The following DPYSL5 variants were observed in gnomAD, a reference collection of about 807,000 sequenced individuals.
The protein encoded by DPYSL5 is dihydropyrimidinase like 5.
In DPYSL5, 9 loss-of-function variants were observed where a neutral mutation model predicts 58.4. The ratio of observed to expected loss-of-function variants is 0.15; its 90% CI spans 0.09 to 0.27. The LOEUF (loss-of-function observed/expected upper bound fraction) is 0.27. Ranked by LOEUF, DPYSL5 falls within the 10% of genes least tolerant of loss-of-function variation. The probability of loss-of-function intolerance (pLI) is 1.00; values close to 1 mark genes in which losing one functional copy is unlikely to be tolerated. For synonymous variants in DPYSL5, 293 were observed against 301.9 expected (o/e 0.97, Z 0.31); for missense variants, 499 against 770.6 (o/e 0.65, Z 4.17).
At chr2:26,875,265 C>T (rs976719249) in intron 1 of DPYSL5, among the ~76,000 whole-genome samples, 4 of 151,956 alleles carry the variant, frequency 2.6e-5, no homozygotes, top group Admixed American at 2.0e-4. Flanking sequence ...TTCCAGTGGG[C>T]GAAATACCCA....
At chr2:26,852,938 G>A (rs921290646) in intron 1 of DPYSL5, among the ~76,000 whole-genome samples, 8 of 152,162 alleles carry the variant, frequency 5.3e-5, no homozygotes, top group African/African-American at 1.9e-4. Flanking sequence ...TCTAAAATGT[G>A]TGTCCACAAA....
At chr2:26,887,122 A>T (rs756581426) in intron 1 of DPYSL5, among the ~76,000 whole-genome samples, 1 of 152,228 alleles carries the variant, frequency 6.6e-6, no homozygotes, top group African/African-American at 2.4e-5. Flanking sequence ...TGTTTTTGAT[A>T]TAACAGTCTT....
intron 2 of DPYSL5, among the ~76,000 whole-genome samples, chr2:26,923,684 C>T (rs1664758808): frequency 6.6e-6 from 1 of 152,118 alleles, no homozygotes; most frequent in East Asian, 1.9e-4. Flanking sequence ...TATTTTGAGA[C>T]AGTTTCACCC....
rs1054328114 is a variant in DPYSL5 at position 26,947,103 on chromosome 2, G to A, written c.*108G>A. 3.6e-5 allele frequency: 36 copies of A among 999,516 alleles called. No individual in the cohort carries two copies. The highest frequency in any genetic ancestry group is 2.8e-4 in the Middle Eastern group (1 of 3,522). The allele number at this position is 999,516 out of a possible 1,614,324, so 61.9% of individuals were successfully genotyped here. Reference sequence around the variant, plus strand: ...GGCTGGGCTGGGTGGCACACCACCCGAGGGGGGCCCCGGGACCCACGGAGC... The same window carrying A: ...GGCTGGGCTGGGTGGCACACCACCCAAGGGGGGCCCCGGGACCCACGGAGC... On this transcript the variant is annotated 3_prime_UTR_variant, in exon 13 of 13. Coordinates refer to ENST00000288699, the MANE Select transcript of DPYSL5 (RefSeq NM_020134.4). This position sits in a 1 kb window ranked among gnomAD's most constrained non-coding sequence, Gnocchi z 4.2.
chr2:26,868,334 T>A (rs1034030321), intron 1 of DPYSL5, among the ~76,000 whole-genome samples: 1 of 152,210 alleles, frequency 6.6e-6, no homozygotes, highest in Non-Finnish European at 1.5e-5. Context: ...AATTTAAACA[T>A]TTTTATCAAG....
At position 26,877,312 on chromosome 2, in the gene DPYSL5, TA is replaced by T. The variant is rs1434771735; in HGVS notation, c.-4-21183del. 1.1e-4 allele frequency among the ~76,000 whole-genome samples: 16 copies of T among 152,198 alleles called. No individual in the cohort carries two copies. Among genetic ancestry groups the T allele is most frequent in the African/African-American group, 3.6e-4 (15 of 41,456 alleles). ...ATATTTTTATTTCTATTTATTTATTTATTTTTTTAAGGCCAAGGAATTAAGT... is the reference window on the plus strand; with the variant it reads ...ATATTTTTATTTCTATTTATTTATTTTTTTTTTAAGGCCAAGGAATTAAGT... On this transcript the variant is annotated intron_variant, in intron 1 of 12. Coordinates refer to ENST00000288699, the MANE Select transcript of DPYSL5 (RefSeq NM_020134.4). The surrounding 1 kb of genome is among the most constrained non-coding windows in gnomAD (Gnocchi z 4.1).
chr2:26,915,431 G>A (rs900871534), intron 2 of DPYSL5, among the ~76,000 whole-genome samples: 2 of 152,114 alleles, frequency 1.3e-5, no homozygotes, highest in Non-Finnish European at 2.9e-5. Flanking sequence ...TGCAAATGTC[G>A]CTCTGAGCTC....
At chr2:26,900,987 A>G (rs1176326038) in intron 2 of DPYSL5, among the ~76,000 whole-genome samples, 2 of 152,118 alleles carry the variant, frequency 1.3e-5, no homozygotes, top group East Asian at 1.9e-4. Flanking sequence ...TCAGCTCTTT[A>G]CAGCTGATGA....
chr2:26,942,775 G>C lies in DPYSL5; in HGVS notation c.1440+25G>C. 1 of 1,606,820 alleles carries C rather than the reference G, an allele frequency of 6.2e-7. No homozygotes were observed. Among genetic ancestry groups the C allele is most frequent in the African/African-American group, 1.3e-5 (1 of 74,918 alleles). On this transcript the variant is annotated intron_variant, in intron 11 of 12. Coordinates refer to ENST00000288699, the MANE Select transcript of DPYSL5 (RefSeq NM_020134.4). This position sits in a 1 kb window ranked among gnomAD's most constrained non-coding sequence, Gnocchi z 5.9. ...GGTGAGGTGGGAGGAGGAAGATGCAGGGGTGTTGGCGCCCCCTGCCGGGGA... is the reference window on the plus strand; with the variant it reads ...GGTGAGGTGGGAGGAGGAAGATGCACGGGTGTTGGCGCCCCCTGCCGGGGA...
At chr2:26,935,605 C>G (rs1261660654) in intron 8 of DPYSL5, among the ~76,000 whole-genome samples, 2 of 149,120 alleles carry the variant, frequency 1.3e-5, no homozygotes, top group African/African-American at 5.0e-5. Context: ...AGGAGAATCA[C>G]TTGAACCCAG....
At chr2:26,940,204 T>G (rs1665280438) in intron 9 of DPYSL5, 32 bp downstream of exon 9, 2 of 1,609,870 alleles carry the variant, frequency 1.2e-6, no homozygotes, top group African/African-American at 2.7e-5. Flanking sequence ...CCCGATCTGA[T>G]CCCTGCTCTA....
At position 26,849,515 on chromosome 2, in the gene DPYSL5, C is replaced by T. The variant is rs1276531099; in HGVS notation, c.-5+1261C>T. ...GGGCTGGCTTGGTGAGGAGCTTTGT[C>T]TCCAGGCTTGAAACCAGCCGGTAGC... is the stretch of plus-strand genomic sequence containing the variant. On this transcript the variant is annotated intron_variant, in intron 1 of 12. Transcript: ENST00000288699. The surrounding 1 kb of genome is among the most constrained non-coding windows in gnomAD (Gnocchi z 6.2). Among the ~76,000 whole-genome samples the T allele has an allele frequency of 1.3e-5, 2 of 152,142 alleles. No homozygotes were observed. The highest frequency in any genetic ancestry group is 2.9e-5 in the Non-Finnish European group (2 of 68,006).
rs753356996 is a variant in DPYSL5 at position 26,924,932 on chromosome 2, C to A, written c.307C>A (p.Pro103Thr). ...CACCATGATCATCGGCCACGTCCTGCCCGACAAGGAGACCTCCCTTGTGGA... is the reference window on the plus strand; with the variant it reads ...CACCATGATCATCGGCCACGTCCTGACCGACAAGGAGACCTCCCTTGTGGA... ...GTTMIIGHVL[P>T]DKETSLVDAY... Residue 103 changes from proline (P) to threonine (T), a missense_variant, in exon 3 of 13, where the codon CCC becomes ACC. Pro to Thr is a conservative substitution (Grantham distance 38, BLOSUM62 -1). Transcript: ENST00000288699. The surrounding 1 kb of genome is among the most constrained non-coding windows in gnomAD (Gnocchi z 4.7). 1 of 1,614,178 alleles carries A rather than the reference C, an allele frequency of 6.2e-7. No individual in the cohort carries two copies. Among genetic ancestry groups the A allele is most frequent in the Non-Finnish European group, 8.5e-7 (1 of 1,180,022 alleles).
At chr2:26,896,231 T>C (rs2148135465) in intron 1 of DPYSL5, among the ~76,000 whole-genome samples, 1 of 152,348 alleles carries the variant, frequency 6.6e-6, no homozygotes, top group Non-Finnish European at 1.5e-5. Flanking sequence ...CCCCCTTTTT[T>C]ATGGCTGAGC....
chr2:26,909,340 C>G (rs772483258), intron 2 of DPYSL5, among the ~76,000 whole-genome samples: 1 of 152,170 alleles, frequency 6.6e-6, no homozygotes, highest in Non-Finnish European at 1.5e-5. Context: ...CACACTCGCT[C>G]TCACACACAC....
intron 1 of DPYSL5, among the ~76,000 whole-genome samples, chr2:26,886,525 TAATA>T (rs1663724759): frequency 6.6e-6 from 1 of 152,238 alleles, no homozygotes; most frequent in African/African-American, 2.4e-5. Flanking sequence ...TTTTGCAAAC[TAATA>T]AATATTATTT....
intron 1 of DPYSL5, among the ~76,000 whole-genome samples, chr2:26,851,600 G>A (rs577243289): frequency 1.1e-4 from 17 of 152,138 alleles, no homozygotes; most frequent in African/African-American, 3.6e-4. Context: ...TTAGCTCCAC[G>A]GGACTATAAG....
At chr2:26,871,739 C>T (rs2148117525) in intron 1 of DPYSL5, among the ~76,000 whole-genome samples, 1 of 152,144 alleles carries the variant, frequency 6.6e-6, no homozygotes, top group East Asian at 1.9e-4. Context: ...CCACACCCAG[C>T]CAGAAACATT....
intron 2 of DPYSL5, among the ~76,000 whole-genome samples, chr2:26,923,222 T>G (rs1664746305): frequency 6.6e-6 from 1 of 152,180 alleles, no homozygotes; most frequent in Admixed American, 6.5e-5. Context: ...TCCCAGCACT[T>G]TGCGAGGCCA....
Sources: allele counts gnomAD v4.1 joint callset (sites outside exome capture counted in the v4.1 genomes callset), GRCh38; gene constraint gnomAD v4.1.1; non-coding constraint Gnocchi (gnomAD v3.1); transcripts MANE v1.5; gene names NCBI Gene and HGNC (gene_info 2026-07-23, HGNC 2026-07-21).